Variants in CLEC19A observed in about 807,000 individuals in gnomAD.
The protein encoded by CLEC19A is C-type lectin domain containing 19A.
A neutral mutation model predicts 26.1 loss-of-function variants in CLEC19A; 21 were observed. The observed-to-expected ratio is 0.80, with a 90% CI of 0.57 to 1.16. CLEC19A has a LOEUF of 1.16. CLEC19A is among the 50% of genes most tolerant of loss of function. CLEC19A has a pLI of 0.00. For synonymous variants in CLEC19A, 89 were observed against 88.6 expected, an observed-to-expected ratio of 1.00 and a Z score of -0.03; for missense variants, 224 against 227.6, an observed-to-expected ratio of 0.98 and a Z score of 0.10.
intron 2 of CLEC19A, among the ~76,000 whole-genome samples, chr16:19,301,709 G>C (rs1293545350): frequency 7.0e-6 from 1 of 142,632 alleles, no homozygotes; most frequent in East Asian, 2.1e-4. Context: ...GACTACAGGC[G>C]CATGACACCA....
intron 2 of CLEC19A, 65 bp downstream of exon 2, chr16:19,298,903 T>G: frequency 7.0e-7 from 1 of 1,435,858 alleles, no homozygotes; most frequent in Non-Finnish European, 9.3e-7. Flanking sequence ...GGGTGGAGAA[T>G]GGTATTTCCA....
At chr16:19,294,717 G>A (rs546251057) in intron 1 of CLEC19A, among the ~76,000 whole-genome samples, 18 of 152,180 alleles carry the variant, frequency 1.2e-4, no homozygotes, top group Non-Finnish European at 2.2e-4. Flanking sequence ...TAAGCCATGG[G>A]CTAGGATTAG....
At chr16:19,305,706 G>A (rs1382016163) in intron 3 of CLEC19A, among the ~76,000 whole-genome samples, 4 of 152,180 alleles carry the variant, frequency 2.6e-5, no homozygotes, top group African/African-American at 9.7e-5. Context: ...AAATAAGTGA[G>A]CTAATGCATG....
At chr16:19,304,430 T>A (rs1346322194) in intron 3 of CLEC19A, 2 of 294,680 alleles carry the variant, frequency 6.8e-6, no homozygotes, top group Non-Finnish European at 1.3e-5. Context: ...AGGCCGGGTG[T>A]GGAGGCTCAT....
In CLEC19A at chr16:19,308,285, G is replaced by A. The variant is rs368246547; in HGVS notation, c.481+608G>A. Among the ~76,000 whole-genome samples, 8 of 152,322 alleles carry A rather than the reference G, an allele frequency of 5.3e-5. No individual in the cohort carries two copies. The East Asian group carries it at 9.6e-4, about 18-fold the overall frequency. On this transcript the variant is annotated intron_variant, in intron 4 of 4. Coordinates refer to ENST00000636231, the MANE Select transcript of CLEC19A (RefSeq NM_001256720.2). Reference sequence around the variant, plus strand: ...AGCACCGTGGCAAGAGCATGGACTCGGGAGTTGACTGCCCTTGTGTGAACC... The same window carrying A: ...AGCACCGTGGCAAGAGCATGGACTCAGGAGTTGACTGCCCTTGTGTGAACC...
At chr16:19,286,901 A>C (rs1897480965) in intron 1 of CLEC19A, among the ~76,000 whole-genome samples, 1 of 152,196 alleles carries the variant, frequency 6.6e-6, no homozygotes, top group African/African-American at 2.4e-5. Context: ...TAAAATACCA[A>C]TAAATAAATA....
intron 1 of CLEC19A, among the ~76,000 whole-genome samples, chr16:19,289,664 A>G (rs1305871826): frequency 6.6e-6 from 1 of 152,204 alleles, no homozygotes; most frequent in East Asian, 1.9e-4. Context: ...TAAACACCCA[A>G]TGAATGGCTG....
intron 1 of CLEC19A, 48 bp downstream of exon 1, chr16:19,285,987 T>C: frequency 6.6e-7 from 1 of 1,524,172 alleles, no homozygotes; most frequent in Non-Finnish European, 8.9e-7. Flanking sequence ...GAGTACACTC[T>C]CAGGAACTTA....
chr16:19,306,261 C>A (rs181605589), intron 3 of CLEC19A, among the ~76,000 whole-genome samples: 2 of 151,918 alleles, frequency 1.3e-5, no homozygotes, highest in Admixed American at 1.3e-4. Flanking sequence ...TCCTCCCAAC[C>A]TAGGCTCCAT....
chr16:19,309,254 C>T lies in CLEC19A; in HGVS notation c.*171C>T. 1 of 503,688 alleles carries T rather than the reference C, an allele frequency of 2.0e-6. No homozygotes were observed. Among genetic ancestry groups the T allele is most frequent in the Non-Finnish European group, 3.5e-6 (1 of 289,374 alleles). The allele number at this position is 503,688 out of a possible 1,614,324, so 31.2% of individuals were successfully genotyped here. On this transcript the variant is annotated 3_prime_UTR_variant, in exon 5 of 5. Coordinates refer to ENST00000636231, the MANE Select transcript of CLEC19A (RefSeq NM_001256720.2). ...ACAGGGTGGTCACTTGGCCAAGTGT[C>T]AGGAAAGCCAGCTCAAATTGGCTTA...
chr16:19,293,144 T>C (rs545421008), intron 1 of CLEC19A, among the ~76,000 whole-genome samples: 2 of 152,216 alleles, frequency 1.3e-5, no homozygotes, highest in Non-Finnish European at 1.5e-5. Context: ...GAGATTATTT[T>C]TGGCAAATTA....
intron 1 of CLEC19A, among the ~76,000 whole-genome samples, chr16:19,291,559 G>A (rs747087609): frequency 6.6e-5 from 10 of 152,242 alleles, no homozygotes; most frequent in Non-Finnish European, 1.3e-4. Flanking sequence ...CTGGCACACA[G>A]TGAATGCTGA....
At chr16:19,296,844 G>A (rs1051267214) in intron 1 of CLEC19A, among the ~76,000 whole-genome samples, 1 of 152,196 alleles carries the variant, frequency 6.6e-6, no homozygotes, top group African/African-American at 2.4e-5. Flanking sequence ...CCACCCCTGA[G>A]TGGATGGCTA....
intron 1 of CLEC19A, among the ~76,000 whole-genome samples, chr16:19,293,878 G>A (rs946791752): frequency 5.9e-5 from 9 of 152,236 alleles, no homozygotes; most frequent in African/African-American, 2.2e-4. Flanking sequence ...ATCACCTCAA[G>A]CATTTATCAT....
intron 2 of CLEC19A, among the ~76,000 whole-genome samples, chr16:19,300,153 G>A (rs907637470): frequency 6.6e-6 from 1 of 151,874 alleles, no homozygotes; most frequent in Non-Finnish European, 1.5e-5. Flanking sequence ...GAACCCAGGG[G>A]GCAGAAGTTG....
chr16:19,289,045 A>G (rs1465469100), intron 1 of CLEC19A, among the ~76,000 whole-genome samples: 1 of 152,188 alleles, frequency 6.6e-6, no homozygotes, highest in Non-Finnish European at 1.5e-5. Context: ...AGTAGGCACT[A>G]TGATCATGCC....
intron 4 of CLEC19A, 76 bp from the exon 5 acceptor site, chr16:19,308,928 T>A: frequency 8.2e-7 from 1 of 1,215,030 alleles, no homozygotes; most frequent in Non-Finnish European, 1.2e-6. Context: ...TGGCTTTTAC[T>A]TCAGAGGAGT....
intron 3 of CLEC19A, among the ~76,000 whole-genome samples, chr16:19,306,454 A>T (rs28572687): frequency 6.6e-6 from 1 of 152,020 alleles, no homozygotes; most frequent in Non-Finnish European, 1.5e-5. Flanking sequence ...GTGATTTTTT[A>T]AATCAATAGA....
Position 19,291,651 on chromosome 16 carries a change from A to G in CLEC19A, c.88+5712A>G, listed in dbSNP as rs144599551. Among the ~76,000 whole-genome samples, 111 of 152,312 alleles carry G rather than the reference A, an allele frequency of 7.3e-4. 1 individual carries two copies. The highest frequency in any genetic ancestry group is 2.5e-3 in the African/African-American group (105 of 41,568). On this transcript the variant is annotated intron_variant, in intron 1 of 4. Coordinates refer to ENST00000636231, the MANE Select transcript of CLEC19A (RefSeq NM_001256720.2). ...AGCTAAAGAAATCCCTTCACAAGAG[A>G]CAGATTAGCAGAGGCTGGCTTGGGG...
Sources: allele counts gnomAD v4.1 joint callset (sites outside exome capture counted in the v4.1 genomes callset), GRCh38; gene constraint gnomAD v4.1.1; transcripts MANE v1.5; gene names NCBI Gene and HGNC (gene_info 2026-07-23, HGNC 2026-07-21).